Variants in TSC22D1 observed in about 807,000 individuals in gnomAD.
The protein encoded by TSC22D1 is TSC22 domain family member 1, also known as TSC22 domain family protein 1.
In TSC22D1, 9 loss-of-function variants were observed where a neutral mutation model predicts 74.2. The ratio of observed to expected loss-of-function variants is 0.12; its 90% CI spans 0.07 to 0.21. The LOEUF (loss-of-function observed/expected upper bound fraction) is 0.21. Ranked by LOEUF, TSC22D1 falls within the 10% of genes least tolerant of loss-of-function variation. TSC22D1 has a pLI of 1.00. For synonymous variants in TSC22D1, 586 were observed against 492.5 expected (o/e 1.19, Z -2.51); for missense variants, 1,427 against 1,304.7 (o/e 1.09, Z -1.44).
Position 44,432,659 on chromosome 13 carries a change from G to C in TSC22D1, c.*1967C>G, listed in dbSNP as rs1166942535. 1 of 152,144 alleles carries C rather than the reference G, an allele frequency of 6.6e-6. No homozygotes were observed. The highest frequency in any genetic ancestry group is 1.5e-5 in the Non-Finnish European group (1 of 68,038). 9.4% of individuals were successfully genotyped at this position (152,144 alleles called of 1,614,324 possible). ...CCATTCACCTCTCAATCTCCCACCA[G>C]CTCTAGATGAGAGAAATGAATGATT... On this transcript the variant is annotated 3_prime_UTR_variant, in exon 3 of 3. Coordinates refer to ENST00000458659, the MANE Select transcript of TSC22D1 (RefSeq NM_183422.4).
chr13:44,436,826 A>G, intron 1 of TSC22D1: 2 of 1,356,474 alleles, frequency 1.5e-6, no homozygotes, highest in Non-Finnish European at 9.4e-7. Flanking sequence ...GGCGCTTCCC[A>G]GATCCGCAGC....
chr13:44,459,760 G>GTA (rs879355370), intron 1 of TSC22D1, among the ~76,000 whole-genome samples: 8 of 152,210 alleles, frequency 5.3e-5, no homozygotes, highest in Admixed American at 2.0e-4. Context: ...GCCACTTACA[G>GTA]TATGCCTGGT....
At chr13:44,478,281 A>G (rs1302597965) in intron 1 of TSC22D1, among the ~76,000 whole-genome samples, 1 of 152,192 alleles carries the variant, frequency 6.6e-6, no homozygotes, top group Non-Finnish European at 1.5e-5. Flanking sequence ...CAGAAAAAAT[A>G]CATGTAGAAT....
chr13:44,502,879 T>A (rs551232493), intron 1 of TSC22D1, among the ~76,000 whole-genome samples: 5 of 152,374 alleles, frequency 3.3e-5, no homozygotes, highest in Admixed American at 2.6e-4. Context: ...TCTGCTTTTT[T>A]AAAATCTGTA....
intron 1 of TSC22D1, among the ~76,000 whole-genome samples, chr13:44,441,126 G>A (rs568968039): frequency 1.3e-5 from 2 of 152,330 alleles, no homozygotes; most frequent in East Asian, 3.9e-4. Context: ...CTGGAGGAAA[G>A]GAAGGGAATC....
intron 1 of TSC22D1, among the ~76,000 whole-genome samples, chr13:44,549,817 C>T (rs1882106119): frequency 6.7e-6 from 1 of 148,298 alleles, no homozygotes; most frequent in Non-Finnish European, 1.5e-5. Context: ...GCGGCAAGAA[C>T]AGCAAGCAAG....
intron 1 of TSC22D1, chr13:44,539,546 T>C (rs1340626225): frequency 4.1e-6 from 4 of 985,238 alleles, no homozygotes; most frequent in African/African-American, 1.7e-5. Context: ...CGTCAAATCA[T>C]GTGCCCCAAA....
At chr13:44,464,210 A>G (rs139439135) in intron 1 of TSC22D1, among the ~76,000 whole-genome samples, 1 of 152,222 alleles carries the variant, frequency 6.6e-6, no homozygotes, top group Non-Finnish European at 1.5e-5. Context: ...TAAAAATAAT[A>G]ATAGTATTTT....
intron 2 of TSC22D1, chr13:44,435,221 TCCCCGCCCCCAGG>T (rs1045063505): frequency 1.9e-4 from 40 of 210,486 alleles, no homozygotes; most frequent in Admixed American, 1.7e-3. Flanking sequence ...GCCCACCGCG[TCCCCGCCCCCAGG>T]CCCCGCCCCG....
rs142089060 is a variant in TSC22D1, at chr13:44,542,139, T to G, written c.2912+31024A>C. Among the ~76,000 whole-genome samples, 578 of 152,234 alleles carry G rather than the reference T, an allele frequency of 3.8e-3. 4 individuals carry two copies. The highest frequency in any genetic ancestry group is 6.8e-3 in the Middle Eastern group (2 of 292). On this transcript the variant is annotated intron_variant, in intron 1 of 2. Transcript: ENST00000458659. ...TACGATTTTCCAAATTTCCTTTAGT[T>G]TCCTTTCCAGTCGTTTTCAATAGTT...
At chr13:44,448,246 G>A (rs1432581967) in intron 1 of TSC22D1, among the ~76,000 whole-genome samples, 5 of 152,116 alleles carry the variant, frequency 3.3e-5, no homozygotes, top group Non-Finnish European at 7.4e-5. Context: ...ATGAAAAATA[G>A]ATGCTTTGAG....
intron 1 of TSC22D1, among the ~76,000 whole-genome samples, chr13:44,521,522 A>G (rs1595135076): frequency 6.6e-6 from 1 of 152,134 alleles, no homozygotes; most frequent in East Asian, 1.9e-4. Context: ...AAAAGAAAGA[A>G]TGAAAGCACA....
chr13:44,533,552 G>A (rs1232575467), intron 1 of TSC22D1, among the ~76,000 whole-genome samples: 1 of 151,972 alleles, frequency 6.6e-6, no homozygotes, highest in Non-Finnish European at 1.5e-5. Flanking sequence ...GGGAGGCTGA[G>A]GCGGGTGGAT....
chr13:44,466,769 CAAAAAGAAAAA>C, intron 1 of TSC22D1, among the ~76,000 whole-genome samples: 1 of 145,646 alleles, frequency 6.9e-6, no homozygotes, highest in South Asian at 2.2e-4. Flanking sequence ...GACCGTGTCT[CAAAAAGAAAAA>C]AAAAAGAAAA....
Position 44,574,153 on chromosome 13 carries a change from G to A in TSC22D1, c.1922C>T (p.Ala641Val), listed in dbSNP as rs1884006534. 6.2e-7 allele frequency: 1 copy of A among 1,614,224 alleles called. No individual in the cohort carries two copies. Among genetic ancestry groups the A allele is most frequent in the Non-Finnish European group, 8.5e-7 (1 of 1,180,014 alleles). Reference protein sequence around the residue: ...QQQPMVSTQMAPGHVKSVTQN... With the variant: ...QQQPMVSTQMVPGHVKSVTQN... Reference sequence around the variant, plus strand: ...AGTCACTGATTTGACATGGCCTGGGGCCATCTGTGTAGAAACCATTGGTTG... The same window carrying A: ...AGTCACTGATTTGACATGGCCTGGGACCATCTGTGTAGAAACCATTGGTTG... The change falls in exon 1 of 3, where the codon GCC (alanine) becomes GTC (valine). Residue 641 changes from alanine (A) to valine (V), a missense_variant. Physicochemically the swap from Ala to Val is moderately conservative, Grantham distance 64 (BLOSUM62 0). Around this residue, in one of 3 missense-constraint regions of TSC22D1, gnomAD observed 1,343 missense variants for 1,191.5 expected, o/e 1.13. Transcript: ENST00000458659.
chr13:44,503,716 A>T (rs140380742), intron 1 of TSC22D1, among the ~76,000 whole-genome samples: 78 of 152,324 alleles, frequency 5.1e-4, no homozygotes, highest in African/African-American at 1.5e-3. Context: ...CAGAGGTTAG[A>T]CCTGGCAAGT....
chr13:44,520,349 T>A (rs928469947), intron 1 of TSC22D1, among the ~76,000 whole-genome samples: 1 of 152,110 alleles, frequency 6.6e-6, no homozygotes, highest in Non-Finnish European at 1.5e-5. Context: ...CTGCTGAGGG[T>A]ACACATATGA....
chr13:44,469,997 T>C (rs1013737052), intron 1 of TSC22D1, among the ~76,000 whole-genome samples: 3 of 152,086 alleles, frequency 2.0e-5, no homozygotes, highest in Admixed American at 2.0e-4. Context: ...GCAAAATCCA[T>C]ATGAGTAAGA....
intron 1 of TSC22D1, among the ~76,000 whole-genome samples, chr13:44,450,242 T>A (rs934259210): frequency 2.6e-5 from 4 of 152,194 alleles, no homozygotes; most frequent in Non-Finnish European, 5.9e-5. Context: ...TTTGGACACC[T>A]CTCAGTAGTT....
Sources: gnomAD v4.1 joint callset for allele counts (sites outside exome capture counted in the v4.1 genomes callset) on GRCh38, gnomAD v4.1.1 for gene constraint, gnomAD v4.1.1 regional missense constraint, MANE v1.5 for transcripts, NCBI Gene and HGNC (gene_info 2026-07-23, HGNC 2026-07-21) for gene names.